TG: variants seen among roughly 807,000 people sequenced by gnomAD.
TG encodes thyroid hormones.
TG carries 270 observed loss-of-function variants against 324.7 expected under a neutral mutation model. The observed-to-expected ratio is 0.83, with a 90% CI of 0.75 to 0.92. TG has a LOEUF of 0.92. Ranked by LOEUF, TG falls within the 40% of genes least tolerant of loss-of-function variation. The pLI, the probability that TG is intolerant of heterozygous loss-of-function variation, is 0.00. For synonymous variants in TG, 1,401 were observed against 1,327.0 expected (o/e 1.06, Z -1.21); for missense variants, 3,591 against 3,456.4 (o/e 1.04, Z -0.98).
chr8:133,122,635 G>A (rs1046333123), intron 45 of TG, among the ~76,000 whole-genome samples: 2 of 152,188 alleles, frequency 1.3e-5, no homozygotes, highest in Non-Finnish European at 2.9e-5. Context: ...TCTGCAGAGA[G>A]TAACAGGTCC....
intron 41 of TG, among the ~76,000 whole-genome samples, chr8:133,048,193 T>C (rs1340696826): frequency 6.6e-6 from 1 of 152,060 alleles, no homozygotes; most frequent in East Asian, 1.9e-4. Context: ...CATAACCACC[T>C]CACTTCACTG....
chr8:133,062,714 C>G (rs573398200), intron 41 of TG, among the ~76,000 whole-genome samples: 1 of 152,130 alleles, frequency 6.6e-6, no homozygotes, highest in Non-Finnish European at 1.5e-5. Context: ...CACAGGGTGT[C>G]GTACACAGGC....
intron 35 of TG, chr8:133,001,979 G>C: frequency 4.1e-6 from 4 of 985,486 alleles, no homozygotes; most frequent in Non-Finnish European, 4.8e-6. Flanking sequence ...GAAGGGTGAG[G>C]ATCCTGAAGA....
At position 132,972,712 on chromosome 8, in the gene TG, C is replaced by G. The variant is rs973259430; in HGVS notation, c.6170C>G (p.Thr2057Ser). Residue 2057 changes from threonine to serine, a missense_variant, in exon 34 of 48, where the codon ACC (threonine) becomes AGC (serine). By Grantham distance (58) the Thr-to-Ser change is moderately conservative. Coordinates refer to ENST00000220616, the MANE Select transcript of TG (RefSeq NM_003235.5). ...DCGSPDIEVH[T>S]YPFGWYQKPI... ...GGCTCTCCTGACATTGAAGTCCACA[C>G]CTATCCCTTCGGATGGTACCAGAAG... 6.2e-7 allele frequency: 1 copy of G among 1,614,026 alleles called. No individual in the cohort carries two copies. Among genetic ancestry groups the G allele is most frequent in the Non-Finnish European group, 8.5e-7 (1 of 1,180,000 alleles).
chr8:133,041,861 C>A (rs557954164), intron 41 of TG, among the ~76,000 whole-genome samples: 1 of 147,990 alleles, frequency 6.8e-6, no homozygotes, highest in African/African-American at 2.5e-5. Context: ...GATCTTGGCT[C>A]ATTGCAACCT....
rs150204986 is a variant in TG at position 132,906,818 on chromosome 8, C to T, written c.3765C>T (p.Ser1255=). The T allele has an allele frequency of 6.2e-5, 100 of 1,614,046 alleles. No homozygotes were observed. Among genetic ancestry groups the T allele is most frequent in the Non-Finnish European group, 7.9e-5 (93 of 1,180,036 alleles). Residue 1255 remains serine (S), a synonymous_variant, in exon 17 of 48, where the codon AGC becomes AGT. Transcript: ENST00000220616. ...CQLLCRQGSW[S]VFPPGPLICS... ...TGCTGTGCCGCCAGGGCTCCTGGAG[C>T]GTGTTTCCACCAGGGCCATTGATAT...
intron 21 of TG, among the ~76,000 whole-genome samples, chr8:132,921,596 G>T (rs1455495607): frequency 1.3e-5 from 2 of 152,158 alleles, no homozygotes; most frequent in Admixed American, 1.3e-4. Flanking sequence ...ATATTTCTTT[G>T]ATTTCCTTTT....
chr8:132,918,223 G>A (rs567890362), intron 20 of TG, among the ~76,000 whole-genome samples: 19 of 152,264 alleles, frequency 1.2e-4, no homozygotes, highest in African/African-American at 3.6e-4. Flanking sequence ...GATTTGCAGC[G>A]GAAGTTAAGT....
intron 32 of TG, 69 bp from the exon 33 acceptor site, chr8:132,971,725 C>T (rs1215989140): frequency 9.2e-7 from 1 of 1,091,662 alleles, no homozygotes; most frequent in African/African-American, 1.6e-5. Flanking sequence ...TGACTACCAT[C>T]AGCCCACCCA....
intron 41 of TG, among the ~76,000 whole-genome samples, chr8:133,051,701 C>T (rs974554909): frequency 6.6e-5 from 10 of 152,044 alleles, no homozygotes; most frequent in Non-Finnish European, 1.3e-4. Context: ...TGACACTGAG[C>T]GATACGTCTG....
chr8:133,006,490 T>G (rs897292159), intron 35 of TG, among the ~76,000 whole-genome samples: 3 of 152,232 alleles, frequency 2.0e-5, no homozygotes, highest in African/African-American at 7.2e-5. Context: ...ATGTTTTGGC[T>G]TCTTAGACTG....
Position 132,963,044 on chromosome 8 carries a change from G to C in TG, c.5518G>C (p.Val1840Leu). The stretch of plus-strand genomic sequence containing the variant: ...GTCTATGGGATGTAGAAAAGACACA[G>C]TGCCAAGGCCAGCATCTCCAACAGA... Reference protein sequence around the residue: ...PESMGCRKDTVPRPASPTEAG... With the variant: ...PESMGCRKDTLPRPASPTEAG... The change falls in exon 29 of 48, where the codon GTG (valine) becomes CTG (leucine). Residue 1840 changes from valine (V) to leucine (L), a missense_variant. Val to Leu is a conservative substitution (Grantham distance 32, BLOSUM62 1). Transcript: ENST00000220616. 1.2e-6 allele frequency: 2 copies of C among 1,613,966 alleles called. No homozygotes were observed. The highest frequency in any genetic ancestry group is 1.7e-6 in the Non-Finnish European group (2 of 1,179,904).
chr8:132,994,476 A>T (rs995263444), intron 35 of TG, among the ~76,000 whole-genome samples: 1 of 152,142 alleles, frequency 6.6e-6, no homozygotes, highest in African/African-American at 2.4e-5. Context: ...AGTGAATGGG[A>T]CCATCCCTGA....
chr8:132,898,663 A>G (rs1301556248), intron 13 of TG, 135 bp from the exon 14 acceptor site: 4 of 749,918 alleles, frequency 5.3e-6, no homozygotes, highest in Admixed American at 4.0e-5. Context: ...CTTTGTCCTC[A>G]GAGATTCTAC....
chr8:132,907,809 GAAC>G (rs1356100975), intron 17 of TG, among the ~76,000 whole-genome samples: 1 of 152,158 alleles, frequency 6.6e-6, no homozygotes, highest in Non-Finnish European at 1.5e-5. Context: ...GTTGTGCACT[GAAC>G]AACCTTAGAG....
chr8:133,011,070 A>C (rs1453527363), intron 35 of TG, among the ~76,000 whole-genome samples: 1 of 152,186 alleles, frequency 6.6e-6, no homozygotes, highest in African/African-American at 2.4e-5. Flanking sequence ...ATTTGCATGC[A>C]AGAAGCTTGG....
chr8:132,950,926 T>A (rs976158668), intron 27 of TG, among the ~76,000 whole-genome samples: 1 of 152,230 alleles, frequency 6.6e-6, no homozygotes, highest in African/African-American at 2.4e-5. Context: ...GGAGGCACTC[T>A]TATTATCATT....
At chr8:133,084,214 A>G (rs1588039626) in intron 41 of TG, among the ~76,000 whole-genome samples, 1 of 152,170 alleles carries the variant, frequency 6.6e-6, no homozygotes, top group Non-Finnish European at 1.5e-5. Flanking sequence ...GGGCTACTGG[A>G]AGGAAAATAG....
At chr8:132,877,288 C>G (rs1471116562) in intron 5 of TG, among the ~76,000 whole-genome samples, 1 of 151,962 alleles carries the variant, frequency 6.6e-6, no homozygotes, top group South Asian at 2.1e-4. Flanking sequence ...TACAGGCATG[C>G]GCCACCCCAC....
Sources: allele counts gnomAD v4.1 joint callset (sites outside exome capture counted in the v4.1 genomes callset), GRCh38; gene constraint gnomAD v4.1.1; transcripts MANE v1.5; gene names NCBI Gene and HGNC (gene_info 2026-07-23, HGNC 2026-07-21).